The following MGAT4C variants were observed in gnomAD, a reference collection of about 807,000 sequenced individuals.
The protein encoded by MGAT4C is alpha-1,3-mannosyl-glycoprotein 4-beta-N-acetylglucosaminyltransferase C.
In MGAT4C, 19 loss-of-function variants were observed where a neutral mutation model predicts 40.1. That is an observed-to-expected ratio of 0.47 (90% CI 0.33 to 0.70). The LOEUF (loss-of-function observed/expected upper bound fraction) is 0.70. MGAT4C is among the 30% of genes least tolerant of loss of function. MGAT4C has a pLI of 0.02. For synonymous variants in MGAT4C, 181 were observed against 187.1 expected, an observed-to-expected ratio of 0.97 and a Z score of 0.27; for missense variants, 491 against 563.2, an observed-to-expected ratio of 0.87 and a Z score of 1.30.
chr12:86,520,010 C>T (rs1309174352), intron 2 of MGAT4C, among the ~76,000 whole-genome samples: 1 of 151,902 alleles, frequency 6.6e-6, no homozygotes, highest in Admixed American at 6.6e-5. Context: ...ATGTTTTTTT[C>T]TAGTAGTTTT....
chr12:86,364,355 G>C (rs899224567), intron 3 of MGAT4C, among the ~76,000 whole-genome samples: 5 of 152,008 alleles, frequency 3.3e-5, no homozygotes, highest in Admixed American at 3.3e-4. Flanking sequence ...TGGGGACTAA[G>C]CATAATTTAT....
chr12:86,722,232 C>T (rs773776025), intron 2 of MGAT4C, among the ~76,000 whole-genome samples: 1 of 151,960 alleles, frequency 6.6e-6, no homozygotes, highest in Admixed American at 6.6e-5. Context: ...TGGAGCAAAC[C>T]GAAAGAGGGA....
intron 4 of MGAT4C, among the ~76,000 whole-genome samples, chr12:86,267,587 C>T (rs1255483288): frequency 1.3e-5 from 2 of 152,024 alleles, no homozygotes; most frequent in African/African-American, 2.4e-5. Context: ...TAATTCACAG[C>T]TGTTCTTTCA....
chr12:86,122,665 G>T (rs1879569247), intron 1 of MGAT4C, among the ~76,000 whole-genome samples: 2 of 152,168 alleles, frequency 1.3e-5, no homozygotes, highest in South Asian at 4.1e-4. Flanking sequence ...GTTCTATTAA[G>T]CTTCGAATTA....
At chr12:86,700,035 A>ATAGATAGATAGATAGATAG (rs1950327765) in intron 2 of MGAT4C, among the ~76,000 whole-genome samples, 5 of 147,624 alleles carry the variant, frequency 3.4e-5, no homozygotes, top group African/African-American at 7.6e-5. Flanking sequence ...AATTTAGATA[A>ATAGATAGATAGATAGATAG]ATAGATAGAT....
At chr12:86,152,777 T>C (rs1303281397) in intron 1 of MGAT4C, among the ~76,000 whole-genome samples, 1 of 152,224 alleles carries the variant, frequency 6.6e-6, no homozygotes, top group Non-Finnish European at 1.5e-5. Context: ...CCAAGTAATG[T>C]CCTTGTTAAC....
At chr12:86,211,161 G>A (rs183976692) in intron 1 of MGAT4C, among the ~76,000 whole-genome samples, 15 of 147,680 alleles carry the variant, frequency 1.0e-4, no homozygotes, top group Admixed American at 7.4e-4. Flanking sequence ...TGATTTTGAC[G>A]AGCAAAAGCC....
At chr12:86,461,236 CTT>C (rs1182920834) in intron 2 of MGAT4C, among the ~76,000 whole-genome samples, 5 of 132,660 alleles carry the variant, frequency 3.8e-5, no homozygotes, top group Non-Finnish European at 4.9e-5. Flanking sequence ...TACACATCTT[CTT>C]TTTTTTTTTT....
rs1592576083 is a variant in MGAT4C, at chr12:85,966,925, T to A, written c.*12364A>T. Reference sequence around the variant, plus strand: ...TCAGGGGAGGGGGGAGGGATAGCATTAGGAGATATACCTAATGTTAAATGA... The same window carrying A: ...TCAGGGGAGGGGGGAGGGATAGCATAAGGAGATATACCTAATGTTAAATGA... On this transcript the variant is annotated 3_prime_UTR_variant, in exon 5 of 5. Coordinates refer to ENST00000611864, the MANE Select transcript of MGAT4C (RefSeq NM_001351288.2). 1 of 151,480 alleles carries A rather than the reference T, an allele frequency of 6.6e-6. No individual in the cohort carries two copies. The highest frequency in any genetic ancestry group is 2.1e-4 in the South Asian group (1 of 4,762). 9.4% of individuals were successfully genotyped at this position (151,480 alleles called of 1,614,324 possible).
At chr12:86,636,036 A>G (rs116474444) in intron 2 of MGAT4C, among the ~76,000 whole-genome samples, 3,414 of 152,028 alleles carry the variant, frequency 0.022, 125 homozygotes, top group African/African-American at 0.078. Context: ...TTGTGTTACA[A>G]TTGCCTACAG....
chr12:86,043,427 C>T (rs1192807401), intron 2 of MGAT4C, among the ~76,000 whole-genome samples: 2 of 152,140 alleles, frequency 1.3e-5, no homozygotes, highest in African/African-American at 4.8e-5. Context: ...AACTTGGAGT[C>T]CAATGTTCAA....
rs1175769935 is a variant in MGAT4C, at chr12:85,958,065, GTGT to G, written c.*21221_*21223del. 1 of 150,304 alleles carries G rather than the reference GTGT, an allele frequency of 6.7e-6. No homozygotes were observed. Among genetic ancestry groups the G allele is most frequent in the Non-Finnish European group, 1.5e-5 (1 of 67,784 alleles). 9.3% of individuals were successfully genotyped at this position (150,304 alleles called of 1,614,324 possible). A position where few individuals can be genotyped will look rare whatever the true frequency, so the allele number is the denominator to read the frequency against. ...TGTGTGTGTGTGTGTGTGTGTGTGT[GTGT>G]TTGTTTGCTTGTTTTTGTTTTGAGA... On this transcript the variant is annotated 3_prime_UTR_variant, in exon 5 of 5. Coordinates refer to ENST00000611864, the MANE Select transcript of MGAT4C (RefSeq NM_001351288.2).
chr12:86,664,664 C>CA (rs983372612), intron 2 of MGAT4C, among the ~76,000 whole-genome samples: 7 of 149,692 alleles, frequency 4.7e-5, no homozygotes, highest in South Asian at 2.1e-4. Flanking sequence ...GTTAAAGAGA[C>CA]AAAAAAAAGG....
intron 1 of MGAT4C, among the ~76,000 whole-genome samples, chr12:86,753,036 A>G (rs552436681): frequency 2.0e-5 from 3 of 152,266 alleles, no homozygotes; most frequent in African/African-American, 4.8e-5. Flanking sequence ...ATTTACAAAG[A>G]CCAAATCTAT....
At chr12:86,028,964 T>G (rs1890490208) in intron 2 of MGAT4C, among the ~76,000 whole-genome samples, 1 of 151,976 alleles carries the variant, frequency 6.6e-6, no homozygotes, top group Non-Finnish European at 1.5e-5. Flanking sequence ...ATGCACTGTC[T>G]TCTCTATTTT....
In MGAT4C at chr12:85,988,412, T is replaced by C. The variant is rs187897586; in HGVS notation, c.147+988A>G. The stretch of plus-strand genomic sequence containing the variant: ...AATAGTTAATAAATAATCTAAAGCA[T>C]TTTTTTTTGGAAATACTCTCTCTCT... On this transcript the variant is annotated intron_variant, in intron 3 of 4. Coordinates refer to ENST00000611864, the MANE Select transcript of MGAT4C (RefSeq NM_001351288.2). Among the ~76,000 whole-genome samples, 5 of 150,882 alleles carry C rather than the reference T, an allele frequency of 3.3e-5. No individual in the cohort carries two copies. In the East Asian group the frequency reaches 9.7e-4, roughly 29 times the overall value.
chr12:86,124,524 A>G (rs1185631605), intron 1 of MGAT4C, among the ~76,000 whole-genome samples: 1 of 152,152 alleles, frequency 6.6e-6, no homozygotes, highest in Non-Finnish European at 1.5e-5. Flanking sequence ...GGTAAGTCCC[A>G]TCCTGGTAAA....
At chr12:86,308,966 G>T (rs187738183) in intron 4 of MGAT4C, among the ~76,000 whole-genome samples, 119 of 150,594 alleles carry the variant, frequency 7.9e-4, no homozygotes, top group Non-Finnish European at 6.8e-4. Flanking sequence ...TTTTTGAAGA[G>T]ACTATTTAGT....
rs370301346 is a variant in MGAT4C at position 86,037,876 on chromosome 12, T to G, written c.-7+11798A>C. Among the ~76,000 whole-genome samples the G allele has an allele frequency of 2.0e-5, 3 of 149,828 alleles. 1 individual carries two copies. Among genetic ancestry groups the G allele is most frequent in the African/African-American group, 7.3e-5 (3 of 41,342 alleles). On this transcript the variant is annotated intron_variant, in intron 2 of 4. Coordinates refer to ENST00000611864, the MANE Select transcript of MGAT4C (RefSeq NM_001351288.2). The stretch of plus-strand genomic sequence containing the variant: ...TTTTCTGTATTGTTGATCTGTCTAA[T>G]ATTGTCAGTGGCGTGTTAAAGTCTC...
Sources: allele counts gnomAD v4.1 joint callset (sites outside exome capture counted in the v4.1 genomes callset), GRCh38; gene constraint gnomAD v4.1.1; transcripts MANE v1.5; gene names NCBI Gene and HGNC (gene_info 2026-07-23, HGNC 2026-07-21).